The following NUSAP1 variants were observed in gnomAD, a reference collection of about 807,000 sequenced individuals.
NUSAP1 encodes the protein nucleolar and spindle associated protein 1.
Under a neutral mutation model 52.8 loss-of-function variants are expected in NUSAP1, and 32 were observed. The ratio of observed to expected loss-of-function variants is 0.61; its 90% CI spans 0.46 to 0.81. The LOEUF (loss-of-function observed/expected upper bound fraction) is 0.81, where lower values mean the gene tolerates loss of function less well. NUSAP1 is among the 40% of genes least tolerant of loss of function. The pLI is 0.00. For synonymous variants in NUSAP1, 195 were observed against 183.1 expected, an observed-to-expected ratio of 1.06 and a Z score of -0.52; for missense variants, 499 against 522.3, an observed-to-expected ratio of 0.96 and a Z score of 0.43.
chr15:41,356,274 T>G (rs2048966439), intron 5 of NUSAP1, 134 bp downstream of exon 5: 1 of 667,426 alleles, frequency 1.5e-6, no homozygotes, highest in African/African-American at 1.8e-5. Flanking sequence ...GTTTGATATC[T>G]TGGGGAACTT....
intron 1 of NUSAP1, among the ~76,000 whole-genome samples, chr15:41,338,826 G>A (rs895229214): frequency 2.6e-5 from 4 of 151,854 alleles, no homozygotes; most frequent in South Asian, 4.2e-4. Context: ...TTAGCCAGGC[G>A]TGGTGGCATG....
In NUSAP1 at chr15:41,377,267, T is replaced by C; in HGVS notation, c.1195T>C (p.Tyr399His). ...TCAACATGTCAACAGAATTAACTTC[T>C]ACAAGAAAACTTACAAACAACCCCA... ...LNQHVNRINF[Y>H]KKTYKQPHLQ... Residue 399 changes from tyrosine to histidine, a missense_variant, in exon 10 of 11, where the codon TAC becomes CAC. Coordinates refer to ENST00000559596, the MANE Select transcript of NUSAP1 (RefSeq NM_016359.5). 6.5e-7 allele frequency: 1 copy of C among 1,534,226 alleles called. No individual in the cohort carries two copies. The highest frequency in any genetic ancestry group is 1.7e-4 in the Middle Eastern group (1 of 5,910).
chr15:41,337,009 T>C (rs543744784), intron 1 of NUSAP1, among the ~76,000 whole-genome samples: 4,506 of 134,482 alleles, frequency 0.034, 109 homozygotes, highest in Non-Finnish European at 0.053. Flanking sequence ...CTTTTTTTTT[T>C]TTTTTTTTTT....
chr15:41,347,813 CAAAAAAAAA>C (rs374551463), intron 2 of NUSAP1, among the ~76,000 whole-genome samples: 4 of 95,600 alleles, frequency 4.2e-5, no homozygotes. Flanking sequence ...GACTCCGTCT[CAAAAAAAAA>C]AAAAAAAGAA....
chr15:41,333,893 CAGAG>C (rs1366369282), intron 1 of NUSAP1, among the ~76,000 whole-genome samples: 5 of 152,132 alleles, frequency 3.3e-5, no homozygotes, highest in African/African-American at 4.8e-5. Flanking sequence ...ACTTCGGTGA[CAGAG>C]AGAGACTCAG....
intron 7 of NUSAP1, 125 bp from the exon 8 acceptor site, chr15:41,371,402 C>T (rs534379543): frequency 2.8e-6 from 2 of 712,268 alleles, no homozygotes; most frequent in African/African-American, 3.7e-5. Context: ...AGGTTCGTTC[C>T]TATGACAATT....
At chr15:41,378,948 T>TG (rs1167445728) in intron 10 of NUSAP1, among the ~76,000 whole-genome samples, 6 of 96,992 alleles carry the variant, frequency 6.2e-5, no homozygotes, top group African/African-American at 2.6e-4. Flanking sequence ...ATCTTGGTTT[T>TG]TTTTTTTTTT....
intron 9 of NUSAP1, among the ~76,000 whole-genome samples, chr15:41,376,324 A>G (rs909671601): frequency 1.1e-4 from 17 of 150,992 alleles, no homozygotes; most frequent in Admixed American, 6.6e-5. Context: ...GCTTGAACCT[A>G]GGAGGCAGAG....
intron 5 of NUSAP1, among the ~76,000 whole-genome samples, chr15:41,356,352 T>TCC (rs2048969517): frequency 1.2e-5 from 1 of 85,192 alleles, no homozygotes; most frequent in Admixed American, 1.4e-4. Context: ...GCCTATTTCT[T>TCC]TCTTTTTTTT....
chr15:41,349,070 C>T, intron 2 of NUSAP1, 28 bp from the exon 3 acceptor site: 8 of 1,606,388 alleles, frequency 5.0e-6, no homozygotes, highest in Non-Finnish European at 6.8e-6. Flanking sequence ...AGACATAGCA[C>T]ATAGCAGATT....
chr15:41,343,845 T>C (rs1054140304), intron 2 of NUSAP1, among the ~76,000 whole-genome samples: 1 of 152,176 alleles, frequency 6.6e-6, no homozygotes, highest in Non-Finnish European at 1.5e-5. Context: ...CAAGAACTAT[T>C]TTTGAATTCT....
Position 41,346,036 on chromosome 15 carries a change from C to CT in NUSAP1, c.163-3051dup, listed in dbSNP as rs796521976. ...TTACCTCTGGTTAAGGCCTTTTATT[C>CT]TTTTTTTTTTTGAGATGGAGTCTTG... On this transcript the variant is annotated intron_variant, in intron 2 of 10. Transcript: ENST00000559596. Among the ~76,000 whole-genome samples the CT allele has an allele frequency of 3.2e-3, 474 of 146,216 alleles. 2 individuals carry two copies. The highest frequency in any genetic ancestry group is 9.6e-3 in the African/African-American group (386 of 40,224).
chr15:41,361,853 T>TA (rs889109812), intron 6 of NUSAP1, among the ~76,000 whole-genome samples: 39 of 148,700 alleles, frequency 2.6e-4, no homozygotes, highest in South Asian at 4.3e-4. Flanking sequence ...ACTAGAGAAT[T>TA]AAAAAAAAAA....
chr15:41,365,314 G>T, intron 6 of NUSAP1, 88 bp from the exon 7 acceptor site: 1 of 1,114,090 alleles, frequency 9.0e-7, no homozygotes, highest in Admixed American at 2.6e-5. Context: ...ATGCCACAAC[G>T]CCCGGCTAAT....
chr15:41,336,000 C>A (rs2048114248), intron 1 of NUSAP1, among the ~76,000 whole-genome samples: 1 of 150,998 alleles, frequency 6.6e-6, no homozygotes, highest in Admixed American at 6.6e-5. Context: ...GTGGCTTGCA[C>A]CTGTAATCCC....
chr15:41,346,341 T>G (rs2048567122), intron 2 of NUSAP1, among the ~76,000 whole-genome samples: 1 of 152,128 alleles, frequency 6.6e-6, no homozygotes, highest in African/African-American at 2.4e-5. Flanking sequence ...AGATGGGGTC[T>G]CACTCTATCA....
intron 1 of NUSAP1, among the ~76,000 whole-genome samples, chr15:41,335,027 A>G (rs1261350884): frequency 6.6e-6 from 1 of 152,010 alleles, no homozygotes. Context: ...TATTCTCTCT[A>G]CTTTTTTAGG....
chr15:41,338,002 G>C (rs143753227), intron 1 of NUSAP1, among the ~76,000 whole-genome samples: 3 of 141,648 alleles, frequency 2.1e-5, no homozygotes, highest in Non-Finnish European at 3.0e-5. Flanking sequence ...GCGCAATCTC[G>C]GCTCACTGCA....
At chr15:41,377,560 A>G (rs540020488) in intron 10 of NUSAP1, among the ~76,000 whole-genome samples, 2,492 of 150,284 alleles carry the variant, frequency 0.017, 75 homozygotes, top group African/African-American at 0.057. Context: ...TTAGCTGGGC[A>G]TGGTGGCGGG....
Sources: gnomAD v4.1 joint callset for allele counts (sites outside exome capture counted in the v4.1 genomes callset) on GRCh38, gnomAD v4.1.1 for gene constraint, MANE v1.5 for transcripts, NCBI Gene and HGNC (gene_info 2026-07-23, HGNC 2026-07-21) for gene names.